SEM1: variants seen among roughly 807,000 people sequenced by gnomAD.
The protein encoded by SEM1 is 26S proteasome complex subunit SEM1.
A neutral mutation model predicts 12.7 loss-of-function variants in SEM1; 3 were observed. That is an observed-to-expected ratio of 0.24 (90% CI 0.11 to 0.61). The LOEUF (loss-of-function observed/expected upper bound fraction) is 0.61, where lower values mean the gene tolerates loss of function less well. SEM1 is among the 20% of genes least tolerant of loss of function. The pLI, the probability that SEM1 is intolerant of heterozygous loss-of-function variation, is 0.88. For missense variants in SEM1, 59 were observed against 81.3 expected (o/e 0.73, Z 1.06); for synonymous variants, 30 against 27.8 (o/e 1.08, Z -0.25).
chr7:96,677,301 AG>A (rs1789475766), intron 2 of SEM1, among the ~76,000 whole-genome samples: 1 of 152,186 alleles, frequency 6.6e-6, no homozygotes, highest in Admixed American at 6.5e-5. Context: ...AAGCTTGTTA[AG>A]GTAACAAAGA....
chr7:96,695,194 C>T (rs557730207), intron 1 of SEM1: 12 of 202,458 alleles, frequency 5.9e-5, no homozygotes, highest in Non-Finnish European at 9.9e-5. Flanking sequence ...GTCGACTTCA[C>T]AATCTTTCAA....
intron 1 of SEM1, among the ~76,000 whole-genome samples, chr7:96,699,209 T>A (rs1164648694): frequency 6.6e-6 from 1 of 152,172 alleles, no homozygotes; most frequent in Admixed American, 6.5e-5. Flanking sequence ...ATCAAACTAG[T>A]TGCTAATGCT....
At chr7:96,676,812 G>A (rs1373739764) in intron 2 of SEM1, among the ~76,000 whole-genome samples, 1 of 152,150 alleles carries the variant, frequency 6.6e-6, no homozygotes, top group Non-Finnish European at 1.5e-5. Context: ...TTATTGTTAA[G>A]AAGGAAATTA....
At chr7:96,621,440 T>G (rs1584811290), downstream of SEM1, among the ~76,000 whole-genome samples, 1 of 152,320 alleles carries the variant, frequency 6.6e-6, no homozygotes, top group East Asian at 1.9e-4. Context: ...TAAAAAAGGA[T>G]TGTAGAGTAG....
intron 2 of SEM1, among the ~76,000 whole-genome samples, chr7:96,561,984 G>A (rs1185488769): frequency 6.6e-6 from 1 of 152,192 alleles, no homozygotes; most frequent in Non-Finnish European, 1.5e-5. Flanking sequence ...TTTTACAACT[G>A]TAGCACAGAA....
chr7:96,563,556 G>C (rs532489972), intron 2 of SEM1, among the ~76,000 whole-genome samples: 2 of 152,032 alleles, frequency 1.3e-5, no homozygotes, highest in Middle Eastern at 3.2e-3. Context: ...GAATTTATCA[G>C]GGTCGATGTT....
chr7:96,619,478 G>A, downstream of SEM1, among the ~76,000 whole-genome samples: 1 of 152,130 alleles, frequency 6.6e-6, no homozygotes, highest in Non-Finnish European at 1.5e-5. Context: ...GGCTCCAGTG[G>A]TGGCAGCAGC....
chr7:96,601,882 G>T (rs1212852511), intron 2 of SEM1, among the ~76,000 whole-genome samples: 1 of 152,058 alleles, frequency 6.6e-6, no homozygotes, highest in African/African-American at 2.4e-5. Flanking sequence ...GAAAAATTGT[G>T]GGAGTGTGAG....
intron 2 of SEM1, among the ~76,000 whole-genome samples, chr7:96,631,536 C>T (rs1375502045): frequency 6.6e-6 from 1 of 152,158 alleles, no homozygotes; most frequent in Non-Finnish European, 1.5e-5. Flanking sequence ...TTTACCACCT[C>T]TTCAGTGCCT....
At chr7:96,576,776 C>T (rs527500035) in intron 2 of SEM1, among the ~76,000 whole-genome samples, 52 of 152,134 alleles carry the variant, frequency 3.4e-4, no homozygotes, top group Non-Finnish European at 5.9e-4. Flanking sequence ...CTAGGTAATA[C>T]GGCAAAGAAG....
intron 2 of SEM1, among the ~76,000 whole-genome samples, chr7:96,659,913 C>CAAAAAAAAAAAAAAAAAAAAAAAAAAAA (rs71529826): frequency 3.0e-5 from 2 of 66,724 alleles, no homozygotes; most frequent in Non-Finnish European, 3.0e-5. Flanking sequence ...AGTAAGATGG[C>CAAAAAAAAAAAAAAAAAAAAAAAAAAAA]AAAAAAAAAA....
At chr7:96,546,038 C>A (rs1805092661) in intron 2 of SEM1, among the ~76,000 whole-genome samples, 1 of 152,122 alleles carries the variant, frequency 6.6e-6, no homozygotes, top group African/African-American at 2.4e-5. Context: ...AGCTAAGCAG[C>A]TGCTCTGCAG....
rs1328757680 is a variant in SEM1 at position 96,623,596 on chromosome 7, A to G, written c.171-953T>C. 2.0e-5 allele frequency among the ~76,000 whole-genome samples: 3 copies of G among 148,530 alleles called. No individual in the cohort carries two copies. In the East Asian group the frequency reaches 5.8e-4, roughly 29 times the overall value. ...ACTTGTTTATTATATATAAATATAT[A>G]CTTGTTTATATAAATATATATGGAA... On this transcript the variant is annotated intron_variant, in intron 2 of 2. Transcript: ENST00000417009.
chr7:96,661,452 C>T (rs1166266735), intron 2 of SEM1, among the ~76,000 whole-genome samples: 1 of 151,966 alleles, frequency 6.6e-6, no homozygotes, highest in African/African-American at 2.4e-5. Flanking sequence ...TATAAGACAA[C>T]AAATATTCAA....
chr7:96,601,420 C>T (rs1482122040), intron 2 of SEM1, among the ~76,000 whole-genome samples: 1 of 152,106 alleles, frequency 6.6e-6, no homozygotes, highest in Admixed American at 6.6e-5. Context: ...AGAATTTGAA[C>T]AAACTCTTGC....
At chr7:96,655,946 C>T (rs1191725525) in intron 2 of SEM1, among the ~76,000 whole-genome samples, 1 of 152,108 alleles carries the variant, frequency 6.6e-6, no homozygotes, top group Non-Finnish European at 1.5e-5. Flanking sequence ...TAGGAAGAAG[C>T]CATTAATCTT....
intron 3 of SEM1, among the ~76,000 whole-genome samples, chr7:96,506,447 A>G (rs1803756836): frequency 6.6e-6 from 1 of 152,124 alleles, no homozygotes; most frequent in African/African-American, 2.4e-5. Context: ...TGGTTATTAT[A>G]TATGTCAAAT....
At chr7:96,704,794 C>A (rs1790394883) in intron 1 of SEM1, among the ~76,000 whole-genome samples, 1 of 152,200 alleles carries the variant, frequency 6.6e-6, no homozygotes, top group Non-Finnish European at 1.5e-5. Context: ...ATTATCAATA[C>A]TGGTCACATC....
At chr7:96,603,417 G>A (rs761991710) in intron 2 of SEM1, among the ~76,000 whole-genome samples, 3 of 152,154 alleles carry the variant, frequency 2.0e-5, no homozygotes, top group Admixed American at 1.3e-4. Flanking sequence ...AGCTATGGAG[G>A]AAGATGTGGC....
Sources: allele counts gnomAD v4.1 joint callset (sites outside exome capture counted in the v4.1 genomes callset), GRCh38; gene constraint gnomAD v4.1.1; transcripts MANE v1.5; gene names NCBI Gene and HGNC (gene_info 2026-07-23, HGNC 2026-07-21).